The following SCAPER variants were observed in gnomAD, a reference collection of about 807,000 sequenced individuals.
The protein encoded by SCAPER is S phase cyclin A-associated protein in the endoplasmic reticulum.
SCAPER carries 98 observed loss-of-function variants against 182.2 expected under a neutral mutation model. The observed-to-expected ratio is 0.54, with a 90% CI of 0.46 to 0.64. SCAPER has a LOEUF of 0.64. Among genes scored for constraint, SCAPER ranks in the 30% least tolerant of loss-of-function variants. SCAPER has a pLI of 0.00. For missense variants in SCAPER, 1,432 were observed against 1,690.0 expected (o/e 0.85, Z 2.68); for synonymous variants, 605 against 564.6 (o/e 1.07, Z -1.01).
chr15:76,900,216 A>T, intron 1 of SCAPER, among the ~76,000 whole-genome samples: 3 of 151,774 alleles, frequency 2.0e-5, no homozygotes, highest in South Asian at 2.1e-4. Context: ...GGCCGCAGGG[A>T]CCTCTGCCTA....
At chr15:76,793,479 G>A (rs571802033) in intron 8 of SCAPER, 3 of 507,000 alleles carry the variant, frequency 5.9e-6, no homozygotes, top group African/African-American at 4.0e-5. Flanking sequence ...AGGAGCTGAA[G>A]GTTAGGTTGC....
At position 76,456,102 on chromosome 15, in the gene SCAPER, C is replaced by T. The variant is rs148583733; in HGVS notation, c.3078+15110G>A. Reference sequence around the variant, plus strand: ...CATTTGGGTTGGTTCCAAGTCTTTGCTATTGTAAATAGTGCTTCAATAAAC... The same window carrying T: ...CATTTGGGTTGGTTCCAAGTCTTTGTTATTGTAAATAGTGCTTCAATAAAC... On this transcript the variant is annotated intron_variant, in intron 25 of 31. Coordinates refer to ENST00000563290, the MANE Select transcript of SCAPER (RefSeq NM_020843.4). 9.0e-3 allele frequency among the ~76,000 whole-genome samples: 1,372 copies of T among 152,172 alleles called. 23 individuals are homozygous for T. The highest frequency in any genetic ancestry group is 0.032 in the African/African-American group (1,333 of 41,498).
intron 21 of SCAPER, among the ~76,000 whole-genome samples, chr15:76,643,197 G>T (rs571474737): frequency 6.6e-6 from 1 of 152,242 alleles, no homozygotes; most frequent in Admixed American, 6.5e-5. Context: ...GACATCCACA[G>T]AATCTATTTC....
intron 22 of SCAPER, among the ~76,000 whole-genome samples, chr15:76,577,900 T>C (rs1480077052): frequency 6.6e-6 from 1 of 151,996 alleles, no homozygotes; most frequent in African/African-American, 2.4e-5. Flanking sequence ...AAGAGGGTTC[T>C]TGAGGTCCCT....
intron 3 of SCAPER, 42 bp downstream of exon 3, chr15:76,862,374 C>T (rs2071947333): frequency 1.5e-6 from 2 of 1,313,358 alleles, no homozygotes; most frequent in African/African-American, 1.5e-5. Context: ...ATACACCCTC[C>T]TTATTTACAA....
At chr15:76,730,389 T>C (rs539122207) in intron 16 of SCAPER, among the ~76,000 whole-genome samples, 2 of 152,206 alleles carry the variant, frequency 1.3e-5, no homozygotes, top group East Asian at 3.9e-4. Flanking sequence ...TGCAGACTGT[T>C]GGAGTCATGC....
At chr15:76,881,077 C>G (rs1178153676) in intron 2 of SCAPER, among the ~76,000 whole-genome samples, 2 of 152,078 alleles carry the variant, frequency 1.3e-5, no homozygotes, top group African/African-American at 4.8e-5. Flanking sequence ...TAACTGAAAA[C>G]AGTTCTTTAC....
intron 5 of SCAPER, among the ~76,000 whole-genome samples, chr15:76,839,072 G>A (rs2069206181): frequency 6.6e-6 from 1 of 152,220 alleles, no homozygotes. Flanking sequence ...AGTAGCCAAT[G>A]TCATAAACAG....
chr15:76,760,197 CT>C (rs1486004938), intron 14 of SCAPER, among the ~76,000 whole-genome samples: 2 of 152,172 alleles, frequency 1.3e-5, no homozygotes, highest in Non-Finnish European at 2.9e-5. Context: ...GCCCCCACAA[CT>C]TCAGATGCTA....
chr15:76,767,611 A>G (rs980651797), intron 10 of SCAPER, among the ~76,000 whole-genome samples: 7 of 152,254 alleles, frequency 4.6e-5, no homozygotes, highest in East Asian at 3.9e-4. Flanking sequence ...CTAAAGATGT[A>G]TACTAGAAAC....
chr15:76,577,505 C>T (rs2047928784), intron 22 of SCAPER, among the ~76,000 whole-genome samples: 1 of 152,138 alleles, frequency 6.6e-6, no homozygotes, highest in Admixed American at 6.5e-5. Flanking sequence ...TGGAAACCAG[C>T]TCAGCCATAG....
chr15:76,401,231 T>C (rs1350304282), intron 27 of SCAPER, among the ~76,000 whole-genome samples: 3 of 152,132 alleles, frequency 2.0e-5, no homozygotes, highest in African/African-American at 7.2e-5. Context: ...CTGTTTATAT[T>C]TCCTAATTTG....
chr15:76,520,247 C>G (rs1386365110), intron 23 of SCAPER, among the ~76,000 whole-genome samples: 1 of 152,114 alleles, frequency 6.6e-6, no homozygotes, highest in Admixed American at 6.5e-5. Context: ...GAGACAAAGT[C>G]TCACTCTGTC....
chr15:76,474,681 T>C (rs2050477846), intron 24 of SCAPER, among the ~76,000 whole-genome samples: 1 of 152,224 alleles, frequency 6.6e-6, no homozygotes. Context: ...TAATAAATGG[T>C]AGCCCTTATT....
chr15:76,451,663 A>G (rs562562818), intron 25 of SCAPER, among the ~76,000 whole-genome samples: 145 of 152,150 alleles, frequency 9.5e-4, no homozygotes, highest in Middle Eastern at 6.8e-3. Context: ...GGCCAACCAT[A>G]AAGAATGCTT....
chr15:76,376,969 TCTGTCTGTG>T (rs1325627722), intron 28 of SCAPER, among the ~76,000 whole-genome samples: 2 of 151,940 alleles, frequency 1.3e-5, no homozygotes, highest in African/African-American at 4.8e-5. Flanking sequence ...AGAGTCTGAG[TCTGTCTGTG>T]CAGCCTGCAG....
chr15:76,742,734 C>T (rs950996425), intron 15 of SCAPER, among the ~76,000 whole-genome samples: 18 of 151,550 alleles, frequency 1.2e-4, no homozygotes, highest in Admixed American at 3.9e-4. Context: ...TTGAAATGGC[C>T]ATTAATTTAT....
At chr15:76,726,622 A>C (rs138403372) in intron 17 of SCAPER, among the ~76,000 whole-genome samples, 1 of 152,222 alleles carries the variant, frequency 6.6e-6, no homozygotes, top group East Asian at 1.9e-4. Flanking sequence ...AAATGAATAA[A>C]TAAAATGTGG....
In SCAPER at chr15:76,876,519, T is replaced by C. The variant is rs141322582; in HGVS notation, c.6+7293A>G. On this transcript the variant is annotated intron_variant, in intron 2 of 31. Transcript: ENST00000563290. ...CGTACTTGCAAATTGAATTCAGATA[T>C]GAGAACACCACCAAGTTGGGTTTAT... 8.3e-4 allele frequency among the ~76,000 whole-genome samples: 126 copies of C among 151,958 alleles called. 1 individual carries two copies. Among genetic ancestry groups the C allele is most frequent in the African/African-American group, 2.8e-3 (117 of 41,410 alleles).
Sources: gnomAD v4.1 joint callset for allele counts (sites outside exome capture counted in the v4.1 genomes callset) on GRCh38, gnomAD v4.1.1 for gene constraint, MANE v1.5 for transcripts, NCBI Gene and HGNC (gene_info 2026-07-23, HGNC 2026-07-21) for gene names.